Variants in SMARCA2 observed in about 807,000 individuals in gnomAD.
The protein encoded by SMARCA2 is SWI/SNF related BAF chromatin remodeling complex subunit ATPase 2.
SMARCA2 carries 61 observed loss-of-function variants against 199.8 expected under a neutral mutation model. The ratio of observed to expected loss-of-function variants is 0.31; its 90% CI spans 0.25 to 0.38. The LOEUF (loss-of-function observed/expected upper bound fraction) is 0.38. SMARCA2 is among the 10% of genes least tolerant of loss of function. The pLI, the probability that SMARCA2 is intolerant of heterozygous loss-of-function variation, is 1.00. For synonymous variants in SMARCA2, 935 were observed against 732.0 expected (o/e 1.28, Z -4.48); for missense variants, 1,344 against 2,012.2 (o/e 0.67, Z 6.35).
intron 15 of SMARCA2, among the ~76,000 whole-genome samples, chr9:2,082,930 C>G (rs1401065064): frequency 6.6e-6 from 1 of 152,092 alleles, no homozygotes; most frequent in Non-Finnish European, 1.5e-5. Context: ...TATTTCTTCC[C>G]CTGTTCCCTC....
chr9:2,024,639 TG>T (rs1818746980), intron 1 of SMARCA2, among the ~76,000 whole-genome samples: 1 of 152,138 alleles, frequency 6.6e-6, no homozygotes, highest in African/African-American at 2.4e-5. Flanking sequence ...CCACTGTTTC[TG>T]ACCTTTTTTT....
chr9:2,190,395 A>G (rs1827794129), intron 32 of SMARCA2, among the ~76,000 whole-genome samples: 1 of 152,232 alleles, frequency 6.6e-6, no homozygotes, highest in African/African-American at 2.4e-5. Context: ...TAAATAAATT[A>G]TAGTATACCA....
chr9:2,038,842 T>G (rs1297493648), intron 3 of SMARCA2, among the ~76,000 whole-genome samples: 1 of 152,186 alleles, frequency 6.6e-6, no homozygotes, highest in Admixed American at 6.5e-5. Context: ...ACCTACAACA[T>G]GTAGGCACTC....
At position 2,047,368 on chromosome 9, in the gene SMARCA2, G is replaced by C. The variant is rs1463896372; in HGVS notation, c.930G>C (p.Pro310=). The C allele has an allele frequency of 2.6e-6, 4 of 1,529,042 alleles. No homozygotes were observed. The highest frequency in any genetic ancestry group is 3.5e-6 in the Non-Finnish European group (4 of 1,137,940). 94.7% of individuals were successfully genotyped at this position (1,529,042 alleles called of 1,614,324 possible). Residue 310 remains proline, a synonymous_variant, in exon 5 of 34, where the codon CCG becomes CCC. Transcript: ENST00000349721. The stretch of plus-strand genomic sequence containing the variant: ...TGCCCGGGCCCTCAGTGCCGCAGCC[G>C]GCCCCGGGGCAGCCCTCGCCCGTCC... ...AAVPGPSVPQ[P]APGQPSPVLQ...
intron 22 of SMARCA2, among the ~76,000 whole-genome samples, chr9:2,102,966 T>TTG (rs1416515233): frequency 1.3e-5 from 2 of 151,450 alleles, no homozygotes; most frequent in Non-Finnish European, 2.9e-5. Context: ...TCCCTGTTTT[T>TTG]TTTTTTTTTT....
intron 27 of SMARCA2, among the ~76,000 whole-genome samples, chr9:2,144,737 G>A (rs1824640821): frequency 2.0e-5 from 3 of 152,144 alleles, no homozygotes; most frequent in African/African-American, 4.8e-5. Context: ...CCCTCCAGGG[G>A]GGCAGTAGTG....
chr9:2,035,488 A>T (rs1007991117), intron 3 of SMARCA2, among the ~76,000 whole-genome samples: 1 of 152,198 alleles, frequency 6.6e-6, no homozygotes, highest in Admixed American at 6.5e-5. Flanking sequence ...AAACCACTTT[A>T]AATGCACAAA....
At chr9:2,148,590 A>G (rs138740146) in intron 27 of SMARCA2, among the ~76,000 whole-genome samples, 4,350 of 151,528 alleles carry the variant, frequency 0.029, 234 homozygotes, top group African/African-American at 0.098. Flanking sequence ...TGCTGCACCC[A>G]TTAACTCGTC....
rs1466729713 is a variant in SMARCA2, at chr9:2,119,093, A to G, written c.3685-365A>G. Among the ~76,000 whole-genome samples, 1 of 152,208 alleles carries G rather than the reference A, an allele frequency of 6.6e-6. No individual in the cohort carries two copies. Among genetic ancestry groups the G allele is most frequent in the East Asian group, 1.9e-4 (1 of 5,196 alleles). ...TAATGTTAGGTACTTTTTCATATGG[A>G]TGTCCTTATTAAAATCTTACATCCC... On this transcript the variant is annotated intron_variant, in intron 25 of 33. Coordinates refer to ENST00000349721, the MANE Select transcript of SMARCA2 (RefSeq NM_003070.5). This position sits in a 1 kb window ranked among gnomAD's most constrained non-coding sequence, Gnocchi z 4.6.
intron 24 of SMARCA2, among the ~76,000 whole-genome samples, chr9:2,112,939 A>C (rs925009266): frequency 6.6e-6 from 1 of 152,196 alleles, no homozygotes; most frequent in Non-Finnish European, 1.5e-5. Flanking sequence ...TAGCTTGCTC[A>C]TGAACACCCC....
At position 2,169,433 on chromosome 9, in the gene SMARCA2, G is replaced by A. The variant is rs1048217769; in HGVS notation, c.4200-986G>A. Among the ~76,000 whole-genome samples the A allele has an allele frequency of 6.6e-6, 1 of 151,680 alleles. No homozygotes were observed. The highest frequency in any genetic ancestry group is 2.4e-5 in the African/African-American group (1 of 41,278). ...ATCTTCCCAACTTTTTTTTTCCAAC[G>A]CACCCCTCCCAGCTCTCCTTATATT... On this transcript the variant is annotated intron_variant, in intron 28 of 33. Coordinates refer to ENST00000349721, the MANE Select transcript of SMARCA2 (RefSeq NM_003070.5). The surrounding 1 kb of genome is among the most constrained non-coding windows in gnomAD (Gnocchi z 6.5).
Position 2,056,942 on chromosome 9 carries a change from G to A in SMARCA2, c.1347+97G>A, listed in dbSNP as rs1168179087. 9.4e-7 allele frequency: 1 copy of A among 1,064,432 alleles called. No homozygotes were observed. Among genetic ancestry groups the A allele is most frequent in the Non-Finnish European group, 1.4e-6 (1 of 732,876 alleles). 65.9% of individuals were successfully genotyped at this position (1,064,432 alleles called of 1,614,324 possible). ...GAATGACTGAAAAATGGACCCTTGT[G>A]GGTGGTGGGGACATCACAGAACAGA... On this transcript the variant is annotated intron_variant, in intron 7 of 33. Coordinates refer to ENST00000349721, the MANE Select transcript of SMARCA2 (RefSeq NM_003070.5). This position sits in a 1 kb window ranked among gnomAD's most constrained non-coding sequence, Gnocchi z 4.0.
At position 2,097,383 on chromosome 9, in the gene SMARCA2, A is replaced by T; in HGVS notation, c.2992-2A>T. 1 of 1,592,816 alleles carries T rather than the reference A, an allele frequency of 6.3e-7. No homozygotes were observed. The highest frequency in any genetic ancestry group is 8.6e-7 in the Non-Finnish European group (1 of 1,162,398). On this transcript the variant is annotated splice_acceptor_variant, in intron 20 of 33. Coordinates refer to ENST00000349721, the MANE Select transcript of SMARCA2 (RefSeq NM_003070.5). LOFTEE classifies it high-confidence loss of function. Reference sequence around the variant, plus strand: ...TATTTTTCCCTTTCCACTGGTTCTTAGGGGAAAGGAGGTGCTAAGACACTT... The same window carrying T: ...TATTTTTCCCTTTCCACTGGTTCTTTGGGGAAAGGAGGTGCTAAGACACTT...
At chr9:2,069,187 A>T (rs918233428) in intron 9 of SMARCA2, 1 of 151,356 alleles carries the variant, frequency 6.6e-6, no homozygotes, top group Non-Finnish European at 1.5e-5. Flanking sequence ...AAGTGCTGGG[A>T]TTACAGGCCT....
chr9:2,143,278 G>A (rs756433556), intron 27 of SMARCA2, among the ~76,000 whole-genome samples: 1 of 152,172 alleles, frequency 6.6e-6, no homozygotes. Context: ...GTTTGGGACA[G>A]AGTTTTTAAC....
chr9:2,150,406 A>G (rs1387252854), intron 27 of SMARCA2, among the ~76,000 whole-genome samples: 1 of 151,650 alleles, frequency 6.6e-6, no homozygotes, highest in African/African-American at 2.4e-5. Flanking sequence ...GGGTACTCTG[A>G]GAACAGGGGA....
intron 23 of SMARCA2, among the ~76,000 whole-genome samples, chr9:2,108,371 A>T (rs991124886): frequency 5.3e-5 from 8 of 152,362 alleles, no homozygotes; most frequent in Admixed American, 5.2e-4. Context: ...GAAAAAGAGA[A>T]AACAAAAATA....
intron 21 of SMARCA2, among the ~76,000 whole-genome samples, chr9:2,098,959 A>AAAAG (rs1554625880): frequency 1.1e-4 from 16 of 151,388 alleles, no homozygotes; most frequent in African/African-American, 2.2e-4. Flanking sequence ...AAAAAAAAAA[A>AAAAG]AAAGTCACAG....
At chr9:2,152,139 A>G (rs1233027191) in intron 27 of SMARCA2, among the ~76,000 whole-genome samples, 1 of 152,220 alleles carries the variant, frequency 6.6e-6, no homozygotes, top group Non-Finnish European at 1.5e-5. Flanking sequence ...ACTAGTGTAA[A>G]TCAGGATGCT....
Sources: gnomAD v4.1 joint callset for allele counts (sites outside exome capture counted in the v4.1 genomes callset) on GRCh38, gnomAD v4.1.1 for gene constraint, Gnocchi (gnomAD v3.1) non-coding constraint, MANE v1.5 for transcripts, NCBI Gene and HGNC (gene_info 2026-07-23, HGNC 2026-07-21) for gene names.